TRPS1: variants seen among roughly 807,000 people sequenced by gnomAD.
The protein encoded by TRPS1 is zinc finger transcription factor Trps1.
In TRPS1, 6 loss-of-function variants were observed where a neutral mutation model predicts 101.2. That is an observed-to-expected ratio of 0.06 (90% CI 0.03 to 0.12). The LOEUF (loss-of-function observed/expected upper bound fraction) is 0.12. Ranked by LOEUF, TRPS1 falls within the 10% of genes least tolerant of loss-of-function variation. TRPS1 has a pLI of 1.00. For missense variants in TRPS1, 1,363 were observed against 1,567.0 expected (o/e 0.87, Z 2.20); for synonymous variants, 578 against 589.8 (o/e 0.98, Z 0.29).
chr8:115,444,065 T>C (rs1021383876), intron 5 of TRPS1, among the ~76,000 whole-genome samples: 2 of 152,220 alleles, frequency 1.3e-5, no homozygotes, highest in African/African-American at 4.8e-5. Context: ...GCCATGTAGT[T>C]TATCATTAGC....
intron 5 of TRPS1, among the ~76,000 whole-genome samples, chr8:115,473,106 C>T (rs1165397612): frequency 6.6e-6 from 1 of 152,164 alleles, no homozygotes; most frequent in Admixed American, 6.5e-5. Context: ...TACAGCAGTG[C>T]CCCACTCTAC....
intron 1 of TRPS1, among the ~76,000 whole-genome samples, chr8:115,654,492 G>C (rs1811636026): frequency 6.6e-6 from 1 of 152,140 alleles, no homozygotes; most frequent in Admixed American, 6.5e-5. Flanking sequence ...GCCATCTACA[G>C]TTTTTCAACC....
chr8:115,499,967 T>TTTCTTTCTTTCTTTC (rs1815270696), intron 5 of TRPS1, among the ~76,000 whole-genome samples: 1 of 99,882 alleles, frequency 1.0e-5, no homozygotes, highest in African/African-American at 4.2e-5. Flanking sequence ...TTCTTTCTTT[T>TTTCTTTCTTTCTTTC]CTTTTCTTTT....
chr8:115,570,292 C>T lies in TRPS1; in HGVS notation c.2700+16709G>A, dbSNP rs1310696039. Among the ~76,000 whole-genome samples the T allele has an allele frequency of 2.6e-5, 4 of 151,886 alleles. No homozygotes were observed. The East Asian group carries it at 5.8e-4, about 22-fold the overall frequency. On this transcript the variant is annotated intron_variant, in intron 5 of 6. Coordinates refer to ENST00000395715, the MANE Select transcript of TRPS1 (RefSeq NM_014112.5). The stretch of plus-strand genomic sequence containing the variant: ...AGTAATAATTTACTAATTCATCAGT[C>T]CTAAAAGAGTATACAAATAATAATC...
At chr8:115,562,789 G>A (rs1205177897) in intron 5 of TRPS1, among the ~76,000 whole-genome samples, 1 of 151,830 alleles carries the variant, frequency 6.6e-6, no homozygotes, top group African/African-American at 2.4e-5. Flanking sequence ...GATCAAAGGA[G>A]AGATGGCACA....
At chr8:115,544,174 T>A (rs1247914055) in intron 5 of TRPS1, among the ~76,000 whole-genome samples, 1 of 149,510 alleles carries the variant, frequency 6.7e-6, no homozygotes, top group Non-Finnish European at 1.5e-5. Flanking sequence ...AGAGGAAGGA[T>A]CTAGTATGAA....
At chr8:115,598,376 T>C (rs910944782) in intron 4 of TRPS1, among the ~76,000 whole-genome samples, 1 of 152,176 alleles carries the variant, frequency 6.6e-6, no homozygotes, top group Non-Finnish European at 1.5e-5. Context: ...GGCATGATCA[T>C]GGCTTACTGC....
chr8:115,622,896 G>C (rs1400166059), intron 2 of TRPS1, among the ~76,000 whole-genome samples: 2 of 152,020 alleles, frequency 1.3e-5, no homozygotes, highest in African/African-American at 4.8e-5. Flanking sequence ...TAAATAGCAA[G>C]GGAACCAAGA....
intron 5 of TRPS1, among the ~76,000 whole-genome samples, chr8:115,504,756 T>C (rs1443063286): frequency 6.6e-6 from 1 of 152,216 alleles, no homozygotes; most frequent in Non-Finnish European, 1.5e-5. Context: ...CCACAAAAGA[T>C]TGTTGCTTTT....
At chr8:115,561,517 G>T (rs1816945671) in intron 5 of TRPS1, among the ~76,000 whole-genome samples, 1 of 151,532 alleles carries the variant, frequency 6.6e-6, no homozygotes. Context: ...AGCAACAAGG[G>T]GTGCAATTTG....
At chr8:115,609,769 T>A (rs977967966) in intron 3 of TRPS1, among the ~76,000 whole-genome samples, 1 of 152,254 alleles carries the variant, frequency 6.6e-6, no homozygotes, top group African/African-American at 2.4e-5. Context: ...CATGGCTTTT[T>A]ATACTTGATT....
intron 1 of TRPS1, among the ~76,000 whole-genome samples, chr8:115,664,231 G>A (rs1359884160): frequency 6.6e-6 from 1 of 151,982 alleles, no homozygotes; most frequent in Non-Finnish European, 1.5e-5. Context: ...GCTTTTGGGA[G>A]ACAAATTATT....
intron 1 of TRPS1, among the ~76,000 whole-genome samples, chr8:115,667,586 C>T (rs190350405): frequency 3.9e-5 from 6 of 152,316 alleles, no homozygotes; most frequent in African/African-American, 1.4e-4. Flanking sequence ...CTGCCCCTTC[C>T]TCAGCCCCTA....
chr8:115,647,966 C>T (rs1482826567), intron 1 of TRPS1, among the ~76,000 whole-genome samples: 1 of 151,970 alleles, frequency 6.6e-6, no homozygotes, highest in African/African-American at 2.4e-5. Context: ...AAGGAACTCC[C>T]TTTTTTGCAT....
chr8:115,435,181 T>C (rs899777582), intron 5 of TRPS1, among the ~76,000 whole-genome samples: 3 of 152,222 alleles, frequency 2.0e-5, no homozygotes, highest in African/African-American at 4.8e-5. Flanking sequence ...TCTCCATCAA[T>C]CAATTTATTG....
Position 115,623,598 on chromosome 8 carries a change from T to C in TRPS1, c.37+3A>G, listed in dbSNP as rs1350293849. 1 of 1,612,256 alleles carries C rather than the reference T, an allele frequency of 6.2e-7. No individual in the cohort carries two copies. The highest frequency in any genetic ancestry group is 8.5e-7 in the Non-Finnish European group (1 of 1,179,090). ...TTTTCACTTGAAAAAATAGATCACA[T>C]ACTTGTAAAATCATACCCAGCATTG... is the stretch of plus-strand genomic sequence containing the variant. On this transcript the variant is annotated splice_donor_region_variant and intron_variant, in intron 2 of 6. Coordinates refer to ENST00000395715, the MANE Select transcript of TRPS1 (RefSeq NM_014112.5).
chr8:115,659,325 C>T (rs1187844822), intron 1 of TRPS1, among the ~76,000 whole-genome samples: 4 of 151,758 alleles, frequency 2.6e-5, no homozygotes, highest in African/African-American at 9.7e-5. Flanking sequence ...TTGCAATAAT[C>T]TTCTAAAAAG....
chr8:115,477,641 C>A (rs1814638991), intron 5 of TRPS1, among the ~76,000 whole-genome samples: 1 of 152,178 alleles, frequency 6.6e-6, no homozygotes, highest in African/African-American at 2.4e-5. Context: ...CAGGTCATGT[C>A]TTTGAGGTGT....
chr8:115,447,609 C>G (rs1453332418), intron 5 of TRPS1, among the ~76,000 whole-genome samples: 3 of 151,988 alleles, frequency 2.0e-5, no homozygotes, highest in Non-Finnish European at 4.4e-5. Flanking sequence ...AGCCTAGTTT[C>G]TTTTTGGAGG....
Sources: gnomAD v4.1 joint callset for allele counts (sites outside exome capture counted in the v4.1 genomes callset) on GRCh38, gnomAD v4.1.1 for gene constraint, MANE v1.5 for transcripts, NCBI Gene and HGNC (gene_info 2026-07-23, HGNC 2026-07-21) for gene names.